Variants in RAD51B observed in about 807,000 individuals in gnomAD.
RAD51B encodes the protein RAD51 paralog B, also known as DNA repair protein RAD51 homolog 2.
In RAD51B, 38 loss-of-function variants were observed where a neutral mutation model predicts 42.2. The ratio of observed to expected loss-of-function variants is 0.90; its 90% CI spans 0.70 to 1.18. The LOEUF (loss-of-function observed/expected upper bound fraction) is 1.18, where lower values mean the gene tolerates loss of function less well. Among genes scored for constraint, RAD51B ranks in the 50% most tolerant of loss-of-function variants. The pLI, the probability that RAD51B is intolerant of heterozygous loss-of-function variation, is 0.00. For missense variants in RAD51B, 373 were observed against 400.7 expected (o/e 0.93, Z 0.59); for synonymous variants, 154 against 145.2 (o/e 1.06, Z -0.43).
chr14:68,251,359 G>C (rs1404122612), intron 7 of RAD51B, among the ~76,000 whole-genome samples: 1 of 152,154 alleles, frequency 6.6e-6, no homozygotes, highest in Non-Finnish European at 1.5e-5. Flanking sequence ...AAAAGCAGGA[G>C]GTGAAAAGAG....
chr14:68,513,062 T>C (rs1256669127), intron 10 of RAD51B, among the ~76,000 whole-genome samples: 1 of 152,032 alleles, frequency 6.6e-6, no homozygotes, highest in African/African-American at 2.4e-5. Context: ...CTGTGATACA[T>C]TAGGTCAGAG....
chr14:67,955,596 AAGAAGACCTT>A (rs1261573228), intron 7 of RAD51B, among the ~76,000 whole-genome samples: 2 of 152,252 alleles, frequency 1.3e-5, no homozygotes, highest in African/African-American at 4.8e-5. Context: ...GACTTAATTC[AAGAAGACCTT>A]AATTTTCAGA....
At chr14:67,912,958 C>T (rs2044037199) in intron 7 of RAD51B, among the ~76,000 whole-genome samples, 1 of 152,170 alleles carries the variant, frequency 6.6e-6, no homozygotes, top group African/African-American at 2.4e-5. Context: ...CCCGACTTGG[C>T]CTCCCAAAGT....
At chr14:67,991,042 C>T (rs2075288566) in intron 7 of RAD51B, among the ~76,000 whole-genome samples, 1 of 152,100 alleles carries the variant, frequency 6.6e-6, no homozygotes. Context: ...ATAATGATTG[C>T]TCTTTATTGC....
intron 10 of RAD51B, among the ~76,000 whole-genome samples, chr14:68,494,652 A>G (rs948086463): frequency 2.6e-5 from 4 of 152,010 alleles, no homozygotes; most frequent in African/African-American, 7.3e-5. Flanking sequence ...GGTTTGTTAC[A>G]TTTGTTTTCA....
intron 8 of RAD51B, among the ~76,000 whole-genome samples, chr14:68,396,723 C>A (rs917241677): frequency 1.3e-5 from 2 of 152,078 alleles, no homozygotes; most frequent in African/African-American, 4.8e-5. Context: ...AGGGAGAGAA[C>A]ATTATTAAAA....
chr14:68,242,419 CT>C (rs1237870193), intron 7 of RAD51B, among the ~76,000 whole-genome samples: 1 of 152,172 alleles, frequency 6.6e-6, no homozygotes, highest in Non-Finnish European at 1.5e-5. Flanking sequence ...TGTAGACCCC[CT>C]GAAGGTAGAA....
chr14:68,180,059 G>A (rs932076790), intron 7 of RAD51B, among the ~76,000 whole-genome samples: 1 of 152,058 alleles, frequency 6.6e-6, no homozygotes, highest in African/African-American at 2.4e-5. Flanking sequence ...CTAGAGCTTG[G>A]CCTATGGCAC....
At chr14:68,219,898 A>G (rs979239739) in intron 7 of RAD51B, among the ~76,000 whole-genome samples, 2 of 152,240 alleles carry the variant, frequency 1.3e-5, no homozygotes, top group Admixed American at 1.3e-4. Context: ...AAGCTAATCA[A>G]GGAGGCACCA....
intron 7 of RAD51B, among the ~76,000 whole-genome samples, chr14:68,269,865 G>A (rs2081070613): frequency 1.3e-5 from 2 of 152,116 alleles, no homozygotes; most frequent in Admixed American, 1.3e-4. Context: ...TGCGGAATCT[G>A]TACCATGAAA....
At position 68,005,332 on chromosome 14, in the gene RAD51B, G is replaced by A. The variant is rs750185255; in HGVS notation, c.756+118128G>A. On this transcript the variant is annotated intron_variant, in intron 7 of 10. Coordinates refer to ENST00000471583, the MANE Select transcript of RAD51B (RefSeq NM_133510.4). ...CTCCCAAAGTGCTGGGATTACAGGC[G>A]TGAGCCACCATGCCTGGCCCATTCT... is the stretch of plus-strand genomic sequence containing the variant. 2.6e-5 allele frequency among the ~76,000 whole-genome samples: 4 copies of A among 151,928 alleles called. No individual in the cohort carries two copies. In the South Asian group the frequency reaches 6.2e-4, roughly 24 times the overall value.
intron 9 of RAD51B, among the ~76,000 whole-genome samples, chr14:68,419,677 C>T (rs12588330): frequency 0.78 from 118,143 of 152,146 alleles, 46,408 homozygotes; most frequent in East Asian, 0.97. Context: ...AATCCTGGCT[C>T]CCTAGTCCCC....
intron 7 of RAD51B, among the ~76,000 whole-genome samples, chr14:68,094,330 A>G (rs954581283): frequency 6.6e-6 from 1 of 152,200 alleles, no homozygotes; most frequent in Non-Finnish European, 1.5e-5. Flanking sequence ...ACCTTTGGTT[A>G]TATCAGCATC....
intron 4 of RAD51B, among the ~76,000 whole-genome samples, chr14:67,855,499 C>A (rs1046405605): frequency 2.0e-5 from 3 of 152,008 alleles, no homozygotes; most frequent in African/African-American, 4.8e-5. Context: ...CTTGGCCTCC[C>A]AAAGTGCTGG....
intron 5 of RAD51B, among the ~76,000 whole-genome samples, chr14:67,871,349 A>C (rs1293020848): frequency 1.3e-5 from 2 of 152,230 alleles, no homozygotes; most frequent in Admixed American, 6.5e-5. Context: ...GAAATGGATA[A>C]ACTTCTGGAC....
intron 8 of RAD51B, among the ~76,000 whole-genome samples, chr14:68,346,657 C>T (rs2082683551): frequency 6.6e-6 from 1 of 152,192 alleles, no homozygotes; most frequent in Admixed American, 6.5e-5. Flanking sequence ...TTGTGTTACT[C>T]TTGTACTTGA....
At chr14:68,001,739 T>C (rs1005353822) in intron 7 of RAD51B, among the ~76,000 whole-genome samples, 1 of 152,138 alleles carries the variant, frequency 6.6e-6, no homozygotes, top group African/African-American at 2.4e-5. Flanking sequence ...ATTGTTCCCC[T>C]CCATGTGTCC....
At chr14:68,658,580 C>T (rs1892868266) in intron 11 of RAD51B, among the ~76,000 whole-genome samples, 1 of 152,200 alleles carries the variant, frequency 6.6e-6, no homozygotes, top group African/African-American at 2.4e-5. Flanking sequence ...CACAATCCCT[C>T]TACAAGGAAT....
At chr14:68,209,731 A>G (rs533761544) in intron 7 of RAD51B, among the ~76,000 whole-genome samples, 108 of 152,258 alleles carry the variant, frequency 7.1e-4, no homozygotes, top group African/African-American at 2.5e-3. Flanking sequence ...GCTAGAATAG[A>G]AGGTCCTGTG....
Sources: allele counts gnomAD v4.1 joint callset (sites outside exome capture counted in the v4.1 genomes callset), GRCh38; gene constraint gnomAD v4.1.1; transcripts MANE v1.5; gene names NCBI Gene and HGNC (gene_info 2026-07-23, HGNC 2026-07-21).